The following MAGI2 variants were observed in gnomAD, a reference collection of about 807,000 sequenced individuals.
The protein encoded by MAGI2 is membrane-associated guanylate kinase, WW and PDZ domain-containing protein 2.
MAGI2 carries 35 observed loss-of-function variants against 133.3 expected under a neutral mutation model. The observed-to-expected ratio is 0.26, with a 90% confidence interval of 0.20 to 0.35. MAGI2 has a LOEUF of 0.35. Ranked by LOEUF, MAGI2 falls within the 10% of genes least tolerant of loss-of-function variation. MAGI2 has a pLI of 1.00. For missense variants in MAGI2, 1,636 were observed against 1,863.4 expected, an observed-to-expected ratio of 0.88 and a Z score of 2.25; for synonymous variants, 729 against 710.6, an observed-to-expected ratio of 1.03 and a Z score of -0.41.
chr7:79,430,300 A>G (rs1280546278), intron 1 of MAGI2, among the ~76,000 whole-genome samples: 1 of 152,096 alleles, frequency 6.6e-6, no homozygotes, highest in African/African-American at 2.4e-5. Flanking sequence ...CTACATGGGG[A>G]AAAAATGACA....
At chr7:78,077,403 A>AATATATAT (rs3084740) in intron 21 of MAGI2, among the ~76,000 whole-genome samples, 1 of 148,624 alleles carries the variant, frequency 6.7e-6, no homozygotes, top group African/African-American at 2.5e-5. Context: ...GCTTATTGAT[A>AATATATAT]ATATATATAT....
intron 1 of MAGI2, among the ~76,000 whole-genome samples, chr7:79,235,623 A>G (rs1020147150): frequency 6.6e-6 from 1 of 152,178 alleles, no homozygotes; most frequent in Non-Finnish European, 1.5e-5. Flanking sequence ...GCGCTTCCCA[A>G]GTGAGGCAAT....
intron 1 of MAGI2, among the ~76,000 whole-genome samples, chr7:79,285,016 G>C (rs1011169255): frequency 7.9e-5 from 12 of 151,878 alleles, no homozygotes; most frequent in Admixed American, 2.6e-4. Context: ...TGGAATGAGA[G>C]AGAAAAGATG....
At chr7:79,057,758 C>T (rs1298692318) in intron 1 of MAGI2, among the ~76,000 whole-genome samples, 1 of 152,032 alleles carries the variant, frequency 6.6e-6, no homozygotes, top group East Asian at 1.9e-4. Flanking sequence ...ATGTGTAATT[C>T]ATGTTAATGA....
chr7:79,358,693 C>A (rs1328114943), intron 1 of MAGI2, among the ~76,000 whole-genome samples: 1 of 152,140 alleles, frequency 6.6e-6, no homozygotes, highest in African/African-American at 2.4e-5. Context: ...ACCACACCTG[C>A]ATCCTCCTAG....
At chr7:78,075,979 T>C (rs1815246192) in intron 21 of MAGI2, among the ~76,000 whole-genome samples, 2 of 152,256 alleles carry the variant, frequency 1.3e-5, no homozygotes, top group African/African-American at 4.8e-5. Flanking sequence ...TATTAAGTTC[T>C]TTCTTTTGTG....
intron 2 of MAGI2, among the ~76,000 whole-genome samples, chr7:78,666,454 T>C (rs1206982861): frequency 6.6e-6 from 1 of 152,168 alleles, no homozygotes; most frequent in East Asian, 1.9e-4. Flanking sequence ...TGTTTTCTCT[T>C]GAGACCTGAC....
At chr7:78,627,889 C>T (rs1283806486) in intron 2 of MAGI2, among the ~76,000 whole-genome samples, 1 of 152,208 alleles carries the variant, frequency 6.6e-6, no homozygotes, top group Non-Finnish European at 1.5e-5. Flanking sequence ...AAAACTTTCT[C>T]TGACTCCATC....
At chr7:79,192,802 T>C (rs1827787439) in intron 1 of MAGI2, among the ~76,000 whole-genome samples, 1 of 151,886 alleles carries the variant, frequency 6.6e-6, no homozygotes, top group Non-Finnish European at 1.5e-5. Flanking sequence ...AGGCTTTTAA[T>C]AGTTTAAATC....
rs188009679 is a variant in MAGI2 at position 79,301,514 on chromosome 7, C to T, written c.301+151506G>A. 2.6e-3 allele frequency among the ~76,000 whole-genome samples: 395 copies of T among 152,294 alleles called. 3 individuals are homozygous for T. Among genetic ancestry groups the T allele is most frequent in the South Asian group, 2.7e-3 (13 of 4,824 alleles). ...CTCCCTTTTGGAACAAAAATGTTTACCCAATGCCTGTACTCCCATTGTATC... is the reference window on the plus strand; with the variant it reads ...CTCCCTTTTGGAACAAAAATGTTTATCCAATGCCTGTACTCCCATTGTATC... On this transcript the variant is annotated intron_variant, in intron 1 of 21. Coordinates refer to ENST00000354212, the MANE Select transcript of MAGI2 (RefSeq NM_012301.4).
Position 79,075,711 on chromosome 7 carries a change from C to G in MAGI2, c.302-68505G>C, listed in dbSNP as rs986406624. 2.6e-5 allele frequency among the ~76,000 whole-genome samples: 4 copies of G among 152,110 alleles called. No homozygotes were observed. The South Asian group carries it at 8.3e-4, about 31-fold the overall frequency. ...CCCAGGAAGTGGAGGTTGCAGTGAGCTGAGATCACGCCACTGCACTCCAGC... is the reference window on the plus strand; with the variant it reads ...CCCAGGAAGTGGAGGTTGCAGTGAGGTGAGATCACGCCACTGCACTCCAGC... On this transcript the variant is annotated intron_variant, in intron 1 of 21. Transcript: ENST00000354212.
intron 2 of MAGI2, among the ~76,000 whole-genome samples, chr7:78,649,448 A>G (rs1811308947): frequency 6.6e-6 from 1 of 151,986 alleles, no homozygotes; most frequent in Non-Finnish European, 1.5e-5. Flanking sequence ...AAATTTCAAC[A>G]TTGGAGGCTG....
At chr7:78,986,628 C>G (rs931893441) in intron 2 of MAGI2, among the ~76,000 whole-genome samples, 6 of 151,864 alleles carry the variant, frequency 4.0e-5, no homozygotes, top group Non-Finnish European at 8.8e-5. Flanking sequence ...TTCAAGTGAT[C>G]CTCCTGCCTT....
At chr7:78,154,219 T>C (rs1824164839) in intron 16 of MAGI2, among the ~76,000 whole-genome samples, 1 of 152,212 alleles carries the variant, frequency 6.6e-6, no homozygotes, top group South Asian at 2.1e-4. Flanking sequence ...TTCGAGAAAC[T>C]CACCAGGGTG....
chr7:79,363,303 A>G (rs1038393871), intron 1 of MAGI2, among the ~76,000 whole-genome samples: 12 of 148,720 alleles, frequency 8.1e-5, no homozygotes, highest in Non-Finnish European at 1.5e-4. Context: ...TGATCTTCCA[A>G]TACACGAACA....
chr7:78,955,288 T>C (rs535540833), intron 2 of MAGI2, among the ~76,000 whole-genome samples: 3 of 152,082 alleles, frequency 2.0e-5, no homozygotes, highest in Non-Finnish European at 4.4e-5. Flanking sequence ...TGATAGGAGA[T>C]ATATGTATAT....
chr7:79,195,142 A>G (rs2084270203), intron 1 of MAGI2, among the ~76,000 whole-genome samples: 1 of 152,002 alleles, frequency 6.6e-6, no homozygotes, highest in Admixed American at 6.6e-5. Context: ...ACTGACACAA[A>G]GAGACGATGT....
Position 78,163,230 on chromosome 7 carries a change from C to T in MAGI2, c.2597-2957G>A, listed in dbSNP as rs947578841. Among the ~76,000 whole-genome samples the T allele has an allele frequency of 3.0e-4, 46 of 152,192 alleles. 1 individual carries two copies. Among genetic ancestry groups the T allele is most frequent in the African/African-American group, 1.0e-3 (43 of 41,544 alleles). ...TTGGCTCACTGCAAGCTCTGCCTCC[C>T]GAGTTCATGCCGTTCTCCTGTCTTA... is the stretch of plus-strand genomic sequence containing the variant. On this transcript the variant is annotated intron_variant, in intron 15 of 21. Transcript: ENST00000354212.
intron 2 of MAGI2, among the ~76,000 whole-genome samples, chr7:78,655,247 C>G (rs930415310): frequency 6.6e-6 from 1 of 151,724 alleles, no homozygotes; most frequent in African/African-American, 2.4e-5. Flanking sequence ...CTGGAAAATT[C>G]TCCTTTCAGT....
Sources: allele counts gnomAD v4.1 joint callset (sites outside exome capture counted in the v4.1 genomes callset), GRCh38; gene constraint gnomAD v4.1.1; transcripts MANE v1.5; gene names NCBI Gene and HGNC (gene_info 2026-07-23, HGNC 2026-07-21).